PTPRF: variants seen among roughly 807,000 people sequenced by gnomAD.
The protein encoded by PTPRF is protein tyrosine phosphatase receptor type F, also known as receptor-type tyrosine-protein phosphatase F.
A neutral mutation model predicts 201.8 loss-of-function variants in PTPRF; 59 were observed. That is an observed-to-expected ratio of 0.29 (90% confidence interval 0.24 to 0.36). PTPRF has a LOEUF of 0.36. Among genes scored for constraint, PTPRF ranks in the 10% least tolerant of loss-of-function variants. PTPRF has a pLI of 1.00. For synonymous variants in PTPRF, 1,088 were observed against 1,089.7 expected (o/e 1.00, Z 0.03); for missense variants, 2,132 against 2,690.5 (o/e 0.79, Z 4.59).
chr1:43,567,361 T>C (rs553568168), intron 5 of PTPRF, among the ~76,000 whole-genome samples: 18 of 152,332 alleles, frequency 1.2e-4, no homozygotes, highest in Middle Eastern at 3.4e-3. Flanking sequence ...CTCTTGCCAC[T>C]GTTGAACATT....
chr1:43,581,939 T>C (rs1212988160), intron 7 of PTPRF, among the ~76,000 whole-genome samples: 1 of 152,182 alleles, frequency 6.6e-6, no homozygotes, highest in African/African-American at 2.4e-5. Context: ...GCAGCATCTC[T>C]AGCTCACTAG....
intron 6 of PTPRF, among the ~76,000 whole-genome samples, chr1:43,574,183 A>G (rs1410818061): frequency 6.6e-6 from 1 of 151,052 alleles, no homozygotes; most frequent in African/African-American, 2.4e-5. Context: ...TTTAGTAGAG[A>G]CAGGGTTTCA....
At chr1:43,621,308 G>C in intron 33 of PTPRF, 76 bp downstream of exon 33, 2 of 1,557,916 alleles carry the variant, frequency 1.3e-6, no homozygotes, top group Non-Finnish European at 1.7e-6. Flanking sequence ...GCAACAGTTT[G>C]ATGCCCACAG....
chr1:43,602,233 C>T (rs949789613), intron 14 of PTPRF, 136 bp downstream of exon 14: 10 of 1,066,656 alleles, frequency 9.4e-6, no homozygotes, highest in East Asian at 4.9e-5. Context: ...AGAAAATTGG[C>T]GTTTAGACAC....
chr1:43,591,554 G>A lies in PTPRF; in HGVS notation c.1531+1G>A. On this transcript the variant is annotated splice_donor_variant, in intron 9 of 33. Transcript: ENST00000359947. LOFTEE classifies it high-confidence loss of function. ...ATCCAGGTCAAGACGCAGCAGGGAG[G>A]TAGGTGGGGGCATGCCGGCTGGGCA... The A allele has an allele frequency of 6.4e-7, 1 of 1,562,858 alleles. No homozygotes were observed. The highest frequency in any genetic ancestry group is 8.7e-7 in the Non-Finnish European group (1 of 1,151,930).
At chr1:43,583,233 C>A in intron 7 of PTPRF, 2 of 558,368 alleles carry the variant, frequency 3.6e-6, no homozygotes, top group Non-Finnish European at 2.3e-6. Flanking sequence ...TTTGGGCCGG[C>A]GGGCAGGCAG....
upstream of PTPRF, among the ~76,000 whole-genome samples, chr1:43,529,929 G>T (rs1228399815): frequency 2.0e-5 from 3 of 152,076 alleles, no homozygotes; most frequent in Non-Finnish European, 2.9e-5. Context: ...CCAATGTAAG[G>T]TTCACAGCTG....
At chr1:43,604,240 G>T (rs765311638) in intron 16 of PTPRF, 51 bp downstream of exon 16, 3 of 1,568,450 alleles carry the variant, frequency 1.9e-6, no homozygotes, top group Non-Finnish European at 1.7e-6. Flanking sequence ...GCATCTGGGG[G>T]TCTCTGCTCT....
chr1:43,605,423 G>A lies in PTPRF; in HGVS notation c.3369G>A (p.Val1123=), dbSNP rs772681144. The change falls in exon 18 of 34, where the codon GTG becomes GTA. Residue 1123 remains valine (V), a synonymous_variant. Coordinates refer to ENST00000359947, the MANE Select transcript of PTPRF (RefSeq NM_002840.5). Reference sequence around the variant, plus strand: ...GCTTCGATCTCTCCATGCCCCATGTGCAAGACCCCTCGCTTGTCAGGTGTG... The same window carrying A: ...GCTTCGATCTCTCCATGCCCCATGTACAAGACCCCTCGCTTGTCAGGTGTG... ...DGRFDLSMPH[V]QDPSLVRWFY... is the part of the protein sequence containing the mutation. The A allele has an allele frequency of 2.7e-5, 43 of 1,610,306 alleles. No individual in the cohort carries two copies. The South Asian group carries it at 3.8e-4, about 14-fold the overall frequency.
At chr1:43,580,998 C>T (rs1647451131) in intron 7 of PTPRF, among the ~76,000 whole-genome samples, 1 of 152,262 alleles carries the variant, frequency 6.6e-6, no homozygotes, top group East Asian at 1.9e-4. Flanking sequence ...AGGCAGCATT[C>T]TCTGAAGTCA....
rs746345482 is a variant in PTPRF at position 43,588,884 on chromosome 1, T to C, written c.833T>C (p.Met278Thr). Residue 278 changes from methionine (M) to threonine (T), a missense_variant, in exon 8 of 34, where the codon ATG (methionine) becomes ACG (threonine). Coordinates refer to ENST00000359947, the MANE Select transcript of PTPRF (RefSeq NM_002840.5). This position sits in a 1 kb window ranked among gnomAD's most constrained non-coding sequence, Gnocchi z 5.3. ...GAGGAGCTCACCAAGGAGGATGAGA[T>C]GCCAGTTGGCCGCAACGTCCTGGAG... is the stretch of plus-strand genomic sequence containing the variant. ...GAEELTKEDE[M>T]PVGRNVLELS... 3.7e-6 allele frequency: 6 copies of C among 1,613,948 alleles called. No homozygotes were observed. The highest frequency in any genetic ancestry group is 5.1e-6 in the Non-Finnish European group (6 of 1,179,862).
At chr1:43,612,841 T>C (rs1466097678) in intron 22 of PTPRF, 7 of 1,341,420 alleles carry the variant, frequency 5.2e-6, no homozygotes, top group Admixed American at 3.9e-5. Flanking sequence ...ATACTTTGGC[T>C]TCTGTGTCTG....
chr1:43,572,958 C>T (rs1646673451), intron 6 of PTPRF, among the ~76,000 whole-genome samples: 1 of 152,116 alleles, frequency 6.6e-6, no homozygotes, highest in Admixed American at 6.5e-5. Context: ...CTCCAGACCC[C>T]AGGCCCCCAC....
intron 7 of PTPRF, chr1:43,583,147 C>A: frequency 1.0e-6 from 1 of 967,916 alleles, no homozygotes; most frequent in Non-Finnish European, 1.2e-6. Context: ...ATGGGACACG[C>A]CTGTCAGTAG....
intron 6 of PTPRF, among the ~76,000 whole-genome samples, chr1:43,571,837 C>T (rs1646593168): frequency 1.3e-5 from 2 of 152,246 alleles, no homozygotes; most frequent in South Asian, 2.1e-4. Flanking sequence ...CGTGTCTCAT[C>T]GGGTCCTGGC....
chr1:43,593,114 C>T (rs1223786823), intron 11 of PTPRF, among the ~76,000 whole-genome samples: 1 of 152,240 alleles, frequency 6.6e-6, no homozygotes, highest in Non-Finnish European at 1.5e-5. Context: ...TCTGAGAATG[C>T]GGCCATGTGA....
intron 16 of PTPRF, 106 bp from the exon 17 acceptor site, chr1:43,604,795 CCT>C: frequency 3.2e-6 from 3 of 932,854 alleles, no homozygotes; most frequent in Non-Finnish European, 5.1e-6. Context: ...CCTTCAACCC[CCT>C]GTTCCCCAAC....
intron 5 of PTPRF, among the ~76,000 whole-genome samples, chr1:43,557,783 T>C (rs1258962917): frequency 6.6e-6 from 1 of 152,092 alleles, no homozygotes; most frequent in Non-Finnish European, 1.5e-5. Context: ...CTGTCCATGC[T>C]CCGGGGAAGG....
intron 6 of PTPRF, among the ~76,000 whole-genome samples, chr1:43,570,667 C>T (rs1646505091): frequency 6.6e-6 from 1 of 152,258 alleles, no homozygotes; most frequent in South Asian, 2.1e-4. Flanking sequence ...GGATGCCAGC[C>T]CCTCCCCATC....
Sources: allele counts gnomAD v4.1 joint callset (sites outside exome capture counted in the v4.1 genomes callset), GRCh38; gene constraint gnomAD v4.1.1; non-coding constraint Gnocchi (gnomAD v3.1); transcripts MANE v1.5; gene names NCBI Gene and HGNC (gene_info 2026-07-23, HGNC 2026-07-21).